The following GRAMD1A variants were observed in gnomAD, a reference collection of about 807,000 sequenced individuals.
The protein encoded by GRAMD1A is GRAM domain containing 1A.
In GRAMD1A, 50 loss-of-function variants were observed where a neutral mutation model predicts 92.0. The ratio of observed to expected loss-of-function variants is 0.54; its 90% CI spans 0.43 to 0.69. The LOEUF (loss-of-function observed/expected upper bound fraction) is 0.69. Among genes scored for constraint, GRAMD1A ranks in the 30% least tolerant of loss-of-function variants. GRAMD1A has a pLI of 0.00. For synonymous variants in GRAMD1A, 405 were observed against 403.6 expected (o/e 1.00, Z -0.04); for missense variants, 819 against 978.9 (o/e 0.84, Z 2.18).
At chr19:34,998,051 A>G (rs757463218), upstream of GRAMD1A, among the ~76,000 whole-genome samples, 34 of 147,174 alleles carry the variant, frequency 2.3e-4, no homozygotes, top group Non-Finnish European at 4.3e-4. Context: ...AGCCTGAGCG[A>G]CAGAGCAAGA....
upstream of GRAMD1A, chr19:34,995,965 A>C: frequency 1.1e-3 from 1,341 of 1,238,802 alleles, no homozygotes; most frequent in Non-Finnish European, 1.4e-3. Context: ...CGGGAGCTCT[A>C]TCCCTCATCT....
rs538431077 is a variant in GRAMD1A at position 35,007,696 on chromosome 19, A to G, written c.9-1423A>G. 2.9e-3 allele frequency among the ~76,000 whole-genome samples: 445 copies of G among 152,054 alleles called. 11 individuals carry two copies. Among genetic ancestry groups the G allele is most frequent in the African/African-American group, 0.01 (425 of 41,478 alleles). On this transcript the variant is annotated intron_variant, in intron 1 of 19. Transcript: ENST00000317991. ...AGCCTGGGCAACATAGCTAGACCCC[A>G]TCTGTACAAAAATTTTTTAAAAATA...
chr19:35,020,636 GC>G (rs1308452979), intron 13 of GRAMD1A, among the ~76,000 whole-genome samples: 8 of 148,038 alleles, frequency 5.4e-5, no homozygotes, highest in African/African-American at 2.0e-4. Flanking sequence ...TTCAGCCTGG[GC>G]GACAGAGCAA....
Position 35,023,479 on chromosome 19 carries a change from C to G in GRAMD1A, c.2014C>G (p.Gln672Glu). ...GGCCGAGATCCTGGCGCTGCAGAAG[C>G]AATTCCACAGCGTGGAGGTGCACAA... Reference protein sequence around the residue: ...EWAEILALQKQFHSVEVHKWR... With the variant: ...EWAEILALQKEFHSVEVHKWR... The change falls in exon 19 of 20, where the codon CAA becomes GAA. Residue 672 changes from glutamine to glutamate, a missense_variant. By Grantham distance (29) the Gln-to-Glu change is conservative (BLOSUM62 2). Around this residue, in one of 3 missense-constraint regions of GRAMD1A, gnomAD observed 577 missense variants for 674.6 expected, o/e 0.86. Transcript: ENST00000317991. 1 of 1,586,736 alleles carries G rather than the reference C, an allele frequency of 6.3e-7. No individual in the cohort carries two copies. The highest frequency in any genetic ancestry group is 1.4e-5 in the African/African-American group (1 of 73,650).
intron 13 of GRAMD1A, among the ~76,000 whole-genome samples, chr19:35,020,360 G>A (rs2015960655): frequency 6.6e-6 from 1 of 152,104 alleles, no homozygotes; most frequent in South Asian, 2.1e-4. Context: ...CCAACATGGT[G>A]AAACCCATCT....
Position 35,015,881 on chromosome 19 carries a change from T to G in GRAMD1A, c.1127T>G (p.Phe376Cys). Residue 376 changes from phenylalanine to cysteine, a missense_variant, in exon 11 of 20, where the codon TTC (phenylalanine) becomes TGC (cysteine). Physicochemically the swap from Phe to Cys is radical, Grantham distance 205 (BLOSUM62 -2). Transcript: ENST00000317991. ...LSGRLLINSV[F>C]HVGAERLQQM... ...GGCCGCCTCCTCATCAACTCTGTCT[T>G]CCATGTGGGCGCTGAGCGGCTCCAG... 1 of 1,614,018 alleles carries G rather than the reference T, an allele frequency of 6.2e-7. No individual in the cohort carries two copies. Among genetic ancestry groups the G allele is most frequent in the East Asian group, 2.2e-5 (1 of 44,864 alleles).
intron 6 of GRAMD1A, chr19:35,010,580 C>T: frequency 1.7e-6 from 1 of 603,248 alleles, no homozygotes; most frequent in South Asian, 1.9e-5. Flanking sequence ...AACCTGTTAC[C>T]TCACACAGCT....
chr19:35,010,555 CCT>C, intron 6 of GRAMD1A, 176 bp downstream of exon 6: 1 of 606,970 alleles, frequency 1.6e-6, no homozygotes, highest in Non-Finnish European at 2.9e-6. Context: ...ACCAGCCTCT[CCT>C]CTCTTTCCCT....
intron 6 of GRAMD1A, among the ~76,000 whole-genome samples, chr19:35,011,210 G>A (rs1465350415): frequency 3.9e-5 from 6 of 152,038 alleles, no homozygotes; most frequent in Admixed American, 3.9e-4. Context: ...GGCTGACCCT[G>A]TCTAGAGATG....
At chr19:35,008,017 A>G (rs186731721) in intron 1 of GRAMD1A, among the ~76,000 whole-genome samples, 1 of 152,304 alleles carries the variant, frequency 6.6e-6, no homozygotes, top group East Asian at 1.9e-4. Context: ...TGTATGAATC[A>G]GTAAGTTAAT....
Position 35,014,356 on chromosome 19 carries a change from AAGTAAC to A in GRAMD1A, c.1039_1044del (p.Asn348_Ser349del). 1 of 1,614,084 alleles carries A rather than the reference AAGTAAC, an allele frequency of 6.2e-7. No individual in the cohort carries two copies. Among genetic ancestry groups the A allele is most frequent in the Non-Finnish European group, 8.5e-7 (1 of 1,180,004 alleles). On this transcript the variant is annotated inframe_deletion, in exon 10 of 20. Transcript: ENST00000317991. ...CCAGTGAGGAGCTATTGACAGACAC[AAGTAAC>A]TCCTCTTCATCCACTGGGGAGGAAG...
upstream of GRAMD1A, among the ~76,000 whole-genome samples, chr19:34,995,580 T>TTTTTTTTG (rs2013999058): frequency 1.6e-5 from 2 of 122,026 alleles, no homozygotes; most frequent in African/African-American, 7.6e-5. Flanking sequence ...GGTTTTTTTT[T>TTTTTTTTG]TTTTTTTTTT....
chr19:35,021,836 C>T lies in GRAMD1A; in HGVS notation c.1725C>T (p.Pro575=), dbSNP rs1200438921. 5.6e-6 allele frequency: 9 copies of T among 1,604,586 alleles called. No individual in the cohort carries two copies. The highest frequency in any genetic ancestry group is 7.7e-6 in the Non-Finnish European group (9 of 1,174,698). Residue 575 remains proline (P), a synonymous_variant, in exon 15 of 20, where the codon CCC becomes CCT. Transcript: ENST00000317991. This position sits in a 1 kb window ranked among gnomAD's most constrained non-coding sequence, Gnocchi z 5.3. The part of the protein sequence containing the change: ...GDGPQHPDPD[P]CARAGIHTSG... The stretch of plus-strand genomic sequence containing the variant: ...GGCCCCAGCACCCAGATCCTGACCC[C>T]TGTGCCCGGGCCGGCATTCACACCT...
intron 3 of GRAMD1A, 95 bp from the exon 4 acceptor site, chr19:35,009,793 G>C: frequency 2.5e-6 from 2 of 800,780 alleles, no homozygotes; most frequent in South Asian, 2.7e-5. Context: ...GAATCTGTCA[G>C]GGACTTAAGA....
upstream of GRAMD1A, chr19:34,996,149 G>C (rs547261073): frequency 6.5e-7 from 1 of 1,536,104 alleles, no homozygotes; most frequent in East Asian, 2.4e-5. Flanking sequence ...CCAGGGCCTG[G>C]CCTCTGAGTC....
chr19:35,021,610 G>A lies in GRAMD1A; in HGVS notation c.1579+5G>A. 3 of 1,613,592 alleles carry A rather than the reference G, an allele frequency of 1.9e-6. No individual in the cohort carries two copies. The highest frequency in any genetic ancestry group is 2.5e-6 in the Non-Finnish European group (3 of 1,179,482). On this transcript the variant is annotated splice_donor_5th_base_variant and intron_variant, in intron 14 of 19. Coordinates refer to ENST00000317991, the MANE Select transcript of GRAMD1A (RefSeq NM_020895.5). The surrounding 1 kb of genome is among the most constrained non-coding windows in gnomAD (Gnocchi z 5.3). The stretch of plus-strand genomic sequence containing the variant: ...AAGACTATTTCCACCATCTGGGTAG[G>A]GACAGAAGGCCGGCTGGGGCGTGGG...
At chr19:34,997,304 T>G (rs1218929982), upstream of GRAMD1A, among the ~76,000 whole-genome samples, 1 of 150,190 alleles carries the variant, frequency 6.7e-6, no homozygotes, top group Non-Finnish European at 1.5e-5. Flanking sequence ...TCTTACAACT[T>G]CTGTGGCATT....
intron 19 of GRAMD1A, 86 bp downstream of exon 19, chr19:35,023,633 C>T: frequency 1.6e-6 from 2 of 1,278,504 alleles, no homozygotes; most frequent in East Asian, 2.5e-5. Flanking sequence ...GGCACTTCCC[C>T]TCTCCGGATC....
chr19:35,007,410 T>C (rs2014900081), intron 1 of GRAMD1A, among the ~76,000 whole-genome samples: 1 of 151,962 alleles, frequency 6.6e-6, no homozygotes, highest in Non-Finnish European at 1.5e-5. Flanking sequence ...ATGCAAAAAT[T>C]AGCGGGGCAT....
Sources: allele counts gnomAD v4.1 joint callset (sites outside exome capture counted in the v4.1 genomes callset), GRCh38; gene constraint gnomAD v4.1.1; regional missense constraint gnomAD v4.1.1; non-coding constraint Gnocchi (gnomAD v3.1); transcripts MANE v1.5; gene names NCBI Gene and HGNC (gene_info 2026-07-23, HGNC 2026-07-21).